MTAP: variants seen among roughly 807,000 people sequenced by gnomAD.
MTAP encodes methylthioadenosine phosphorylase.
In MTAP, 33 loss-of-function variants were observed where a neutral mutation model predicts 33.6. The observed-to-expected ratio is 0.98, with a 90% confidence interval of 0.74 to 1.31. MTAP has a LOEUF of 1.31. Among genes scored for constraint, MTAP ranks in the 40% most tolerant of loss-of-function variants. MTAP has a pLI of 0.00. For synonymous variants in MTAP, 148 were observed against 125.7 expected, an observed-to-expected ratio of 1.18 and a Z score of -1.19; for missense variants, 367 against 360.0, an observed-to-expected ratio of 1.02 and a Z score of -0.16.
intron 1 of MTAP, among the ~76,000 whole-genome samples, chr9:21,917,409 AG>A (rs1312173132): frequency 1.3e-5 from 2 of 152,222 alleles, no homozygotes; most frequent in South Asian, 2.1e-4. Context: ...CTGCAATGTT[AG>A]TAGGTCAAGG....
At chr9:21,855,143 G>T (rs959597541) in intron 6 of MTAP, among the ~76,000 whole-genome samples, 1 of 152,204 alleles carries the variant, frequency 6.6e-6, no homozygotes, top group Non-Finnish European at 1.5e-5. Flanking sequence ...TTATTTTCAG[G>T]ATAAAGGTGT....
intron 1 of MTAP, among the ~76,000 whole-genome samples, chr9:21,887,709 C>G (rs1818136143): frequency 1.3e-5 from 2 of 152,192 alleles, no homozygotes; most frequent in South Asian, 4.2e-4. Context: ...AATGGTTGAA[C>G]TAGTTTACAG....
chr9:21,810,018 A>G (rs1057164618), intron 1 of MTAP, among the ~76,000 whole-genome samples: 4 of 152,256 alleles, frequency 2.6e-5, no homozygotes, highest in East Asian at 1.9e-4. Context: ...AATAAAAACC[A>G]TGGATGTTTT....
chr9:21,831,154 A>G (rs1012249690), intron 4 of MTAP, among the ~76,000 whole-genome samples: 2 of 152,084 alleles, frequency 1.3e-5, no homozygotes, highest in African/African-American at 4.8e-5. Context: ...TTCACCCCCA[A>G]CTACTAACTG....
chr9:21,929,909 G>C, intron 1 of MTAP: 1 of 383,658 alleles, frequency 2.6e-6, no homozygotes, highest in Non-Finnish European at 5.2e-6. Flanking sequence ...TCTCTCTGTA[G>C]ATTCTAACCA....
chr9:21,809,638 CAAA>C (rs34912134), intron 1 of MTAP, among the ~76,000 whole-genome samples: 1 of 124,254 alleles, frequency 8.0e-6, no homozygotes, highest in African/African-American at 2.7e-5. Flanking sequence ...GACTCCGTCT[CAAA>C]AAAAAAAAAA....
intron 1 of MTAP, among the ~76,000 whole-genome samples, chr9:21,904,694 T>C (rs2118821748): frequency 1.3e-5 from 2 of 152,360 alleles, no homozygotes; most frequent in Middle Eastern, 3.4e-3. Flanking sequence ...GAGATTGTTT[T>C]AGTTGTTGTT....
chr9:21,864,982 T>C lies in MTAP; in HGVS notation c.*2968T>C, dbSNP rs554780978. ...AAGCATTTAGCCAGCACTTATCCAGTGAAACAATTTGATAAGGTTTCAAGG... is the reference window on the plus strand; with the variant it reads ...AAGCATTTAGCCAGCACTTATCCAGCGAAACAATTTGATAAGGTTTCAAGG... On this transcript the variant is annotated 3_prime_UTR_variant, in exon 8 of 8. Transcript: ENST00000644715. 215 of 985,328 alleles carry C rather than the reference T, an allele frequency of 2.2e-4. No individual in the cohort carries two copies. Among genetic ancestry groups the C allele is most frequent in the Non-Finnish European group, 2.5e-4 (206 of 829,946 alleles). The allele number at this position is 985,328 out of a possible 1,614,324, so 61.0% of individuals were successfully genotyped here. A position where few individuals can be genotyped will look rare whatever the true frequency, so the allele number is the denominator to read the frequency against.
At chr9:21,858,691 G>C (rs1164790014) in intron 6 of MTAP, among the ~76,000 whole-genome samples, 1 of 152,186 alleles carries the variant, frequency 6.6e-6, no homozygotes, top group East Asian at 1.9e-4. Flanking sequence ...TTCGACATGA[G>C]ATTTGGTGAG....
At chr9:21,931,104 G>A (rs749973505) in exon 2 of MTAP, 1 of 763,288 alleles carries the variant, frequency 1.3e-6, no homozygotes. Context: ...CCCATCAGTG[G>A]GACATGGCAG....
At chr9:21,821,179 G>C (rs1225891731) in intron 4 of MTAP, among the ~76,000 whole-genome samples, 2 of 152,218 alleles carry the variant, frequency 1.3e-5, no homozygotes, top group Admixed American at 6.5e-5. Context: ...GGAGTGGTGA[G>C]AGAGGGCATC....
intron 1 of MTAP, among the ~76,000 whole-genome samples, chr9:21,890,134 T>C (rs1818176208): frequency 6.6e-6 from 1 of 151,988 alleles, no homozygotes; most frequent in Middle Eastern, 3.4e-3. Context: ...CTGTGGGGGA[T>C]GGGGTATGGT....
chr9:21,937,256 A>C (rs1412064096), exon 8 of MTAP: 2 of 152,028 alleles, frequency 1.3e-5, no homozygotes, highest in Non-Finnish European at 2.9e-5. Flanking sequence ...GGAGAATCGC[A>C]TGAACCCAGG....
In MTAP at chr9:21,879,014, A is replaced by T. The variant is rs569967506; in HGVS notation, c.147+24144A>T. Among the ~76,000 whole-genome samples the T allele has an allele frequency of 3.3e-5, 5 of 152,308 alleles. No individual in the cohort carries two copies. The South Asian group carries it at 6.2e-4, about 19-fold the overall frequency. On this transcript the variant is annotated intron_variant, in intron 1 of 1. Transcript: ENST00000577563. Reference sequence around the variant, plus strand: ...TTAGAGTATTTGCCATGTGGCAGTGAGAAGAATGTATATTCTCTTGGGTTA... The same window carrying T: ...TTAGAGTATTTGCCATGTGGCAGTGTGAAGAATGTATATTCTCTTGGGTTA...
intron 1 of MTAP, among the ~76,000 whole-genome samples, chr9:21,901,564 A>AT (rs1818393323): frequency 6.6e-6 from 1 of 152,204 alleles, no homozygotes; most frequent in African/African-American, 2.4e-5. Flanking sequence ...TATAAAACCT[A>AT]TAAACGAGCT....
Position 21,816,748 on chromosome 9 carries a change from A to G in MTAP, c.155A>G (p.Asn52Ser), listed in dbSNP as rs1354475776. 2.5e-6 allele frequency: 4 copies of G among 1,612,446 alleles called. No individual in the cohort carries two copies. The highest frequency in any genetic ancestry group is 3.4e-6 in the Non-Finnish European group (4 of 1,179,374). ...SDALILGKIK[N>S]VDCVLLARHG... ...GCCTTAATTTTGGGGAAGATAAAAA[A>G]TGTTGATTGCGTCCTCCTTGCAAGG... The change falls in exon 3 of 8, where the codon AAT becomes AGT. Residue 52 changes from asparagine (N) to serine (S), a missense_variant. Physicochemically the swap from Asn to Ser is conservative, Grantham distance 46. Transcript: ENST00000644715.
At chr9:21,824,315 C>G (rs368891972) in intron 4 of MTAP, among the ~76,000 whole-genome samples, 1 of 152,172 alleles carries the variant, frequency 6.6e-6, no homozygotes, top group African/African-American at 2.4e-5. Context: ...AGTTTTCCTT[C>G]TAACAGTCAG....
At chr9:21,806,294 G>A (rs572614889) in intron 1 of MTAP, among the ~76,000 whole-genome samples, 1 of 152,064 alleles carries the variant, frequency 6.6e-6, no homozygotes, top group Admixed American at 6.5e-5. Context: ...CACAGAGATG[G>A]ATAAGATGTG....
intron 7 of MTAP, chr9:21,861,034 T>C (rs576563165): frequency 6.6e-6 from 1 of 152,364 alleles, no homozygotes; most frequent in East Asian, 1.9e-4. Context: ...AGTGCTGGGA[T>C]TACAGGCATG....
Sources: gnomAD v4.1 joint callset for allele counts (sites outside exome capture counted in the v4.1 genomes callset) on GRCh38, gnomAD v4.1.1 for gene constraint, MANE v1.5 for transcripts, NCBI Gene and HGNC (gene_info 2026-07-23, HGNC 2026-07-21) for gene names.